Variants in DPH6 observed in about 807,000 individuals in gnomAD.
DPH6 encodes diphthamine biosynthesis 6, also known as diphthine--ammonia ligase.
In DPH6, 33 loss-of-function variants were observed where a neutral mutation model predicts 38.2. That is an observed-to-expected ratio of 0.86 (90% CI 0.65 to 1.15). The LOEUF (loss-of-function observed/expected upper bound fraction) is 1.15. DPH6 is among the 50% of genes most tolerant of loss of function. The pLI is 0.00. For synonymous variants in DPH6, 108 were observed against 103.0 expected (o/e 1.05, Z -0.30); for missense variants, 325 against 320.0 (o/e 1.02, Z -0.12).
intron 7 of DPH6, among the ~76,000 whole-genome samples, chr15:35,378,498 A>C (rs1296563031): frequency 6.6e-6 from 1 of 152,190 alleles, no homozygotes; most frequent in African/African-American, 2.4e-5. Context: ...AAGGATTATA[A>C]ATCATTCTAC....
intron 3 of DPH6, among the ~76,000 whole-genome samples, chr15:35,304,788 G>A (rs1595469129): frequency 6.7e-6 from 1 of 150,236 alleles, no homozygotes; most frequent in South Asian, 2.1e-4. Flanking sequence ...AAGCTATTTG[G>A]ATGGTAAAAA....
chr15:35,523,652 G>A (rs2054956781), intron 3 of DPH6, among the ~76,000 whole-genome samples: 1 of 152,026 alleles, frequency 6.6e-6, no homozygotes. Flanking sequence ...TCTTTTTACT[G>A]TTCTGTTATT....
chr15:35,223,011 T>C (rs570613856), intron 3 of DPH6, among the ~76,000 whole-genome samples: 14 of 152,322 alleles, frequency 9.2e-5, no homozygotes, highest in African/African-American at 3.1e-4. Context: ...CAAAGACTTA[T>C]TCCATTTCAC....
At chr15:35,252,709 A>G (rs1192376791) in intron 3 of DPH6, among the ~76,000 whole-genome samples, 3 of 152,280 alleles carry the variant, frequency 2.0e-5, no homozygotes, top group African/African-American at 7.2e-5. Context: ...AAGGGCAGAC[A>G]GCGAACAAAT....
At chr15:35,219,712 C>T (rs2051430468) in exon 4 of DPH6, 2 of 152,092 alleles carry the variant, frequency 1.3e-5, no homozygotes, top group Non-Finnish European at 2.9e-5. Flanking sequence ...ATAACAAGTA[C>T]ATTGACAAAG....
intron 3 of DPH6, among the ~76,000 whole-genome samples, chr15:35,496,567 A>AAAAAAAAAAAAAAAAAAAAAT: frequency 1.3e-4 from 4 of 31,014 alleles, no homozygotes; most frequent in African/African-American, 5.5e-4. Context: ...AAAAAAAAAA[A>AAAAAAAAAAAAAAAAAAAAAT]ATATATATAT....
the DPH6 span, chr15:35,181,956 GA>G: frequency 1.3e-5 from 2 of 149,576 alleles, no homozygotes; most frequent in African/African-American, 4.9e-5. Flanking sequence ...TTGTAAAGAA[GA>G]TTAGTAAAAT....
At chr15:35,462,178 T>TAGTCCTAATGACCACCACCCC (rs2054074819) in intron 3 of DPH6, among the ~76,000 whole-genome samples, 1 of 152,136 alleles carries the variant, frequency 6.6e-6, no homozygotes, top group Non-Finnish European at 1.5e-5. Flanking sequence ...ACTACCACTC[T>TAGTCCTAATGACCACCACCCC]AGTCCTAATG....
rs184643488 is a variant in DPH6 at position 35,434,464 on chromosome 15, A to T, written c.505+16221T>A. Among the ~76,000 whole-genome samples, 26 of 152,332 alleles carry T rather than the reference A, an allele frequency of 1.7e-4. No individual in the cohort carries two copies. The East Asian group carries it at 5.0e-3, about 29-fold the overall frequency. ...AAAAAATTGATGACATAAAATGAATAAAATAAGTAGAAAAATTAAGAAATA... is the reference window on the plus strand; with the variant it reads ...AAAAAATTGATGACATAAAATGAATTAAATAAGTAGAAAAATTAAGAAATA... On this transcript the variant is annotated intron_variant, in intron 5 of 8. Coordinates refer to ENST00000256538, the MANE Select transcript of DPH6 (RefSeq NM_080650.4).
At chr15:35,152,711 C>A in the DPH6 span, among the ~76,000 whole-genome samples, 22 of 152,274 alleles carry the variant, frequency 1.4e-4, no homozygotes, top group East Asian at 1.9e-3. Context: ...GTTGCCCAGG[C>A]TCTTCTCGAA....
chr15:35,255,962 A>G (rs149611569), intron 3 of DPH6, among the ~76,000 whole-genome samples: 1 of 152,040 alleles, frequency 6.6e-6, no homozygotes, highest in Non-Finnish European at 1.5e-5. Context: ...AAATTGACTT[A>G]TAAATAAATA....
intron 3 of DPH6, among the ~76,000 whole-genome samples, chr15:35,332,474 T>A (rs979918515): frequency 1.3e-5 from 2 of 152,174 alleles, no homozygotes; most frequent in African/African-American, 4.8e-5. Context: ...CTGGCTTGGA[T>A]TAGTTTCACA....
intron 3 of DPH6, among the ~76,000 whole-genome samples, chr15:35,537,537 G>C (rs1234856515): frequency 6.6e-6 from 1 of 152,078 alleles, no homozygotes; most frequent in Admixed American, 6.6e-5. Flanking sequence ...CATTTACTGA[G>C]TATAGTAACT....
At chr15:35,208,253 C>T in the DPH6 span, among the ~76,000 whole-genome samples, 1 of 152,100 alleles carries the variant, frequency 6.6e-6, no homozygotes, top group African/African-American at 2.4e-5. Context: ...TCAAATGTGT[C>T]AGCCGCAGCA....
At chr15:35,396,010 T>A (rs998681826) in intron 6 of DPH6, among the ~76,000 whole-genome samples, 2 of 152,190 alleles carry the variant, frequency 1.3e-5, no homozygotes, top group East Asian at 1.9e-4. Flanking sequence ...CATATTGGAA[T>A]AGCCACTAAC....
chr15:35,430,985 A>G (rs896381827), intron 5 of DPH6, among the ~76,000 whole-genome samples: 2 of 152,062 alleles, frequency 1.3e-5, no homozygotes, highest in African/African-American at 4.8e-5. Context: ...AAAACCTCCT[A>G]CTTCCAGTTC....
chr15:35,192,336 C>A, the DPH6 span, among the ~76,000 whole-genome samples: 1 of 152,160 alleles, frequency 6.6e-6, no homozygotes, highest in Non-Finnish European at 1.5e-5. Flanking sequence ...ACGTAAAGTT[C>A]CTGGCACTGT....
At chr15:35,259,166 C>T (rs1357507489) in intron 3 of DPH6, among the ~76,000 whole-genome samples, 1 of 149,668 alleles carries the variant, frequency 6.7e-6, no homozygotes, top group Non-Finnish European at 1.5e-5. Context: ...AAAAAAGATT[C>T]CTACTAGGTG....
intron 3 of DPH6, among the ~76,000 whole-genome samples, chr15:35,285,001 G>A (rs1470928780): frequency 6.6e-6 from 1 of 151,446 alleles, no homozygotes; most frequent in Non-Finnish European, 1.5e-5. Context: ...GTAGAGATGA[G>A]GTCTTGCTAT....
Sources: allele counts gnomAD v4.1 joint callset (sites outside exome capture counted in the v4.1 genomes callset), GRCh38; gene constraint gnomAD v4.1.1; transcripts MANE v1.5; gene names NCBI Gene and HGNC (gene_info 2026-07-23, HGNC 2026-07-21).